The following SHOC2 variants were observed in gnomAD, a reference collection of about 807,000 sequenced individuals.
SHOC2 encodes leucine-rich repeat protein SHOC-2.
SHOC2 carries 4 observed loss-of-function variants against 50.2 expected under a neutral mutation model. The observed-to-expected ratio is 0.08, with a 90% confidence interval of 0.04 to 0.18. The LOEUF is 0.18. Among genes scored for constraint, SHOC2 ranks in the 10% least tolerant of loss-of-function variants. The pLI, the probability that SHOC2 is intolerant of heterozygous loss-of-function variation, is 1.00. For missense variants in SHOC2, 388 were observed against 669.6 expected, an observed-to-expected ratio of 0.58 and a Z score of 4.64; for synonymous variants, 218 against 244.5, an observed-to-expected ratio of 0.89 and a Z score of 1.01.
intron 3 of SHOC2, chr10:110,988,825 A>C (rs2134153595): frequency 4.7e-6 from 2 of 427,830 alleles, no homozygotes; most frequent in South Asian, 1.7e-5. Context: ...ATTTCCCCTT[A>C]AGTACTGCTT....
chr10:110,935,124 TATA>T (rs977255174), intron 1 of SHOC2, among the ~76,000 whole-genome samples: 6 of 152,362 alleles, frequency 3.9e-5, no homozygotes, highest in Admixed American at 3.9e-4. Context: ...CTCACTTAAC[TATA>T]ATAATATCTA....
chr10:110,976,838 A>G (rs1352065327), intron 2 of SHOC2, among the ~76,000 whole-genome samples: 1 of 151,824 alleles, frequency 6.6e-6, no homozygotes, highest in Admixed American at 6.6e-5. Flanking sequence ...ATTTCTTGTA[A>G]CTTTTCCCTT....
chr10:110,975,575 G>A (rs1377777260), intron 2 of SHOC2, among the ~76,000 whole-genome samples: 1 of 141,394 alleles, frequency 7.1e-6, no homozygotes, highest in East Asian at 2.0e-4. Flanking sequence ...ATGTTTTATA[G>A]CATATCACTC....
chr10:110,971,549 C>T (rs1847782925), intron 2 of SHOC2, among the ~76,000 whole-genome samples: 1 of 151,996 alleles, frequency 6.6e-6, no homozygotes, highest in South Asian at 2.1e-4. Context: ...TCTATGGTTC[C>T]ACATGAACTT....
chr10:111,004,914 T>C (rs1370344092), intron 5 of SHOC2, 120 bp downstream of exon 5: 11 of 713,868 alleles, frequency 1.5e-5, no homozygotes, highest in Admixed American at 6.1e-5. Flanking sequence ...GGGTCTAAAC[T>C]GATCATAAGA....
intron 2 of SHOC2, among the ~76,000 whole-genome samples, chr10:110,976,287 C>T (rs544844020): frequency 2.6e-5 from 4 of 151,342 alleles, no homozygotes; most frequent in Non-Finnish European, 5.9e-5. Flanking sequence ...ATTCACTCAG[C>T]TTTGTTTATT....
At position 111,004,799 on chromosome 10, in the gene SHOC2, G is replaced by T. The variant is rs375479660; in HGVS notation, c.1161+5G>T. Reference sequence around the variant, plus strand: ...TTAAGTAAGCTGAATATGAAGGTAAGCATATATTTGTTTACTAGGGAAAGG... The same window carrying T: ...TTAAGTAAGCTGAATATGAAGGTAATCATATATTTGTTTACTAGGGAAAGG... On this transcript the variant is annotated splice_donor_5th_base_variant and intron_variant, in intron 5 of 8. Coordinates refer to ENST00000369452, the MANE Select transcript of SHOC2 (RefSeq NM_007373.4). 12 of 1,577,934 alleles carry T rather than the reference G, an allele frequency of 7.6e-6. No individual in the cohort carries two copies. Among genetic ancestry groups the T allele is most frequent in the Non-Finnish European group, 1.0e-5 (12 of 1,147,896 alleles).
chr10:110,921,281 C>T (rs1564698541), intron 1 of SHOC2, among the ~76,000 whole-genome samples: 1 of 152,128 alleles, frequency 6.6e-6, no homozygotes, highest in Non-Finnish European at 1.5e-5. Context: ...GGAACTTAGA[C>T]TGAGTATGAT....
At chr10:110,960,716 C>T (rs1325012033) in intron 1 of SHOC2, among the ~76,000 whole-genome samples, 1 of 152,152 alleles carries the variant, frequency 6.6e-6, no homozygotes. Context: ...CTCTCTGTCG[C>T]CCAGGCTAGA....
intron 3 of SHOC2, among the ~76,000 whole-genome samples, chr10:110,999,203 A>G (rs1185645096): frequency 6.6e-6 from 1 of 152,248 alleles, no homozygotes; most frequent in Admixed American, 6.5e-5. Flanking sequence ...TGGCCCATCC[A>G]AGTATCTCAT....
intron 2 of SHOC2, among the ~76,000 whole-genome samples, chr10:110,976,703 G>T (rs1392998997): frequency 6.6e-6 from 1 of 152,088 alleles, no homozygotes; most frequent in Non-Finnish European, 1.5e-5. Context: ...AGACACCTCT[G>T]CATTTTCTTA....
In SHOC2 at chr10:111,007,518, T is replaced by C. The variant is rs1279529385; in HGVS notation, c.1162-13T>C. 6.2e-7 allele frequency: 1 copy of C among 1,613,498 alleles called. No homozygotes were observed. Among genetic ancestry groups the C allele is most frequent in the Admixed American group, 1.7e-5 (1 of 60,022 alleles). ...GTGATTCTACCTTGGATGCTTCTTT[T>C]TGTCTTTGCCAGGACAATCAGTTAA... On this transcript the variant is annotated splice_polypyrimidine_tract_variant and intron_variant, in intron 5 of 8. Coordinates refer to ENST00000369452, the MANE Select transcript of SHOC2 (RefSeq NM_007373.4).
intron 3 of SHOC2, among the ~76,000 whole-genome samples, chr10:110,987,569 A>T (rs368154446): frequency 6.6e-6 from 1 of 152,238 alleles, no homozygotes; most frequent in East Asian, 1.9e-4. Flanking sequence ...GAATTATTCT[A>T]TTAATATCCA....
At chr10:110,979,946 A>G (rs1847943460) in intron 2 of SHOC2, among the ~76,000 whole-genome samples, 1 of 152,136 alleles carries the variant, frequency 6.6e-6, no homozygotes, top group African/African-American at 2.4e-5. Flanking sequence ...CTGGGCCACC[A>G]ACTGTTTGTT....
rs1299800886 is a variant in SHOC2 at position 111,013,577 on chromosome 10, T to G, written c.*1759T>G. The G allele has an allele frequency of 2.6e-5, 4 of 152,056 alleles. No individual in the cohort carries two copies. The highest frequency in any genetic ancestry group is 7.2e-5 in the African/African-American group (3 of 41,428). 9.4% of individuals were successfully genotyped at this position (152,056 alleles called of 1,614,324 possible). ...TGTCACTGGATTTTACCAAGTAATA[T>G]CCTTTCTTTTTTTTTTCCCCCCATC... On this transcript the variant is annotated 3_prime_UTR_variant, in exon 9 of 9. Coordinates refer to ENST00000369452, the MANE Select transcript of SHOC2 (RefSeq NM_007373.4).
chr10:111,005,827 C>T (rs1848456171), intron 5 of SHOC2, among the ~76,000 whole-genome samples: 1 of 152,206 alleles, frequency 6.6e-6, no homozygotes, highest in Non-Finnish European at 1.5e-5. Flanking sequence ...TTCTTCCTGT[C>T]ATGATGAACC....
At chr10:110,985,416 T>A (rs967548121) in intron 2 of SHOC2, among the ~76,000 whole-genome samples, 3 of 152,030 alleles carry the variant, frequency 2.0e-5, no homozygotes, top group Non-Finnish European at 4.4e-5. Flanking sequence ...AAAATACAAT[T>A]GTGATACAGA....
chr10:111,009,437 A>C, intron 7 of SHOC2, 52 bp downstream of exon 7: 11 of 1,424,418 alleles, frequency 7.7e-6, no homozygotes, highest in Non-Finnish European at 8.9e-6. Context: ...AATCTGTTCC[A>C]AATTCCACAT....
intron 3 of SHOC2, among the ~76,000 whole-genome samples, chr10:110,986,202 G>A (rs999479623): frequency 6.6e-6 from 1 of 152,084 alleles, no homozygotes; most frequent in African/African-American, 2.4e-5. Context: ...AATACTAAGG[G>A]GATAAGCAAG....
Sources: gnomAD v4.1 joint callset for allele counts (sites outside exome capture counted in the v4.1 genomes callset) on GRCh38, gnomAD v4.1.1 for gene constraint, MANE v1.5 for transcripts, NCBI Gene and HGNC (gene_info 2026-07-23, HGNC 2026-07-21) for gene names.